Variants in CD96 observed in about 807,000 individuals in gnomAD.
CD96 encodes the protein T-cell surface protein tactile.
A neutral mutation model predicts 71.3 loss-of-function variants in CD96; 70 were observed. The ratio of observed to expected loss-of-function variants is 0.98; its 90% CI spans 0.81 to 1.20. CD96 has a LOEUF of 1.20. Among genes scored for constraint, CD96 ranks in the 50% most tolerant of loss-of-function variants. The pLI is 0.00. For synonymous variants in CD96, 248 were observed against 233.0 expected (o/e 1.06, Z -0.59); for missense variants, 742 against 677.5 (o/e 1.10, Z -1.06).
chr3:111,634,547 A>G (rs1441032938), intron 10 of CD96: 1 of 152,330 alleles, frequency 6.6e-6, no homozygotes, highest in South Asian at 2.1e-4. Context: ...GAATTACCTC[A>G]TGCAGTTAAC....
intron 14 of CD96, among the ~76,000 whole-genome samples, chr3:111,662,746 C>G (rs534229214): frequency 6.6e-6 from 1 of 152,162 alleles, no homozygotes; most frequent in East Asian, 1.9e-4. Flanking sequence ...AACCACAGCC[C>G]GGGCTTCACT....
At chr3:111,655,441 ATTAAG>A (rs1940205945), downstream of CD96, among the ~76,000 whole-genome samples, 1 of 152,216 alleles carries the variant, frequency 6.6e-6, no homozygotes, top group African/African-American at 2.4e-5. Context: ...AGATATAAAA[ATTAAG>A]TTATGCGCAA....
At chr3:111,624,669 G>T (rs1043155042) in intron 10 of CD96, among the ~76,000 whole-genome samples, 1 of 152,196 alleles carries the variant, frequency 6.6e-6, no homozygotes, top group South Asian at 2.1e-4. Context: ...AGTGGGAATC[G>T]AGAGTGAAGG....
At position 111,624,446 on chromosome 3, in the gene CD96, G is replaced by T. The variant is rs186061011; in HGVS notation, c.1321+42G>T. ...GGTCCCTTGAGTCCTCTGGACTTCAGTCATTCATCCGACAGATATATTGAA... is the reference window on the plus strand; with the variant it reads ...GGTCCCTTGAGTCCTCTGGACTTCATTCATTCATCCGACAGATATATTGAA... On this transcript the variant is annotated intron_variant, in intron 10 of 13. Transcript: ENST00000352690. 2,570 of 1,090,606 alleles carry T rather than the reference G, an allele frequency of 2.4e-3. 9 individuals carry two copies. Among genetic ancestry groups the T allele is most frequent in the Non-Finnish European group, 2.9e-3 (2,071 of 702,410 alleles). The allele number at this position is 1,090,606 out of a possible 1,614,324, so 67.6% of individuals were successfully genotyped here.
rs566400225 is a variant in CD96 at position 111,652,139 on chromosome 3, T to A, written c.*2333T>A. The A allele has an allele frequency of 1.3e-5, 2 of 152,290 alleles. No individual in the cohort carries two copies. Among genetic ancestry groups the A allele is most frequent in the Admixed American group, 6.5e-5 (1 of 15,296 alleles). The allele number at this position is 152,290 out of a possible 1,614,324, so 9.4% of individuals were successfully genotyped here. On this transcript the variant is annotated 3_prime_UTR_variant, in exon 14 of 14. Transcript: ENST00000352690. ...ACTTCTAACACTATTAGATAATAAG[T>A]GCTTATTGTTTAACACCATTAATTT... is the stretch of plus-strand genomic sequence containing the variant.
At chr3:111,594,876 G>T (rs1576365478) in intron 5 of CD96, 1 of 167,136 alleles carries the variant, frequency 6.0e-6, no homozygotes, top group African/African-American at 2.4e-5. Flanking sequence ...CCCAATGCAA[G>T]GTCAGTTTGT....
intron 8 of CD96, chr3:111,607,148 G>C (rs1179735063): frequency 4.0e-6 from 1 of 247,856 alleles, no homozygotes; most frequent in Non-Finnish European, 7.9e-6. Flanking sequence ...TAAAGCCCTG[G>C]GAAAATCAAG....
In CD96 at chr3:111,579,221, A is replaced by C; in HGVS notation, c.738A>C (p.Thr246=). The change falls in exon 4 of 14, where the codon ACA becomes ACC. Residue 246 remains threonine (T), a synonymous_variant. Transcript: ENST00000352690. ...GPNKILRSST[T]VKVFAKPEIP... is the part of the protein sequence containing the mutation. ...ACAAAATCTTGAGGAGCTCCACCAC[A>C]GTCAAGGTTTTTGGTAAGGGCTTTT... is the stretch of plus-strand genomic sequence containing the variant. 6.3e-7 allele frequency: 1 copy of C among 1,590,434 alleles called. No homozygotes were observed. Among genetic ancestry groups the C allele is most frequent in the South Asian group, 1.1e-5 (1 of 90,614 alleles).
rs9840887 is a variant in CD96, at chr3:111,554,403, T to A, written c.418+9001T>A. On this transcript the variant is annotated intron_variant, in intron 2 of 13. Transcript: ENST00000352690. ...TTTGATCTACTTCCTCCATTTCTTC[T>A]CTGTTTTCTTGACTATATGAAAAAG... Among the ~76,000 whole-genome samples the A allele has an allele frequency of 9.2e-3, 1,398 of 152,220 alleles. 17 individuals carry two copies. Among genetic ancestry groups the A allele is most frequent in the African/African-American group, 0.032 (1,340 of 41,504 alleles).
intron 8 of CD96, among the ~76,000 whole-genome samples, chr3:111,613,140 TGAC>T (rs1436733626): frequency 6.6e-6 from 1 of 152,226 alleles, no homozygotes; most frequent in Admixed American, 6.5e-5. Context: ...GCCTTCTTGA[TGAC>T]TAGTTTACTT....
At chr3:111,583,120 C>T (rs967214310) in intron 4 of CD96, among the ~76,000 whole-genome samples, 1 of 152,188 alleles carries the variant, frequency 6.6e-6, no homozygotes, top group African/African-American at 2.4e-5. Context: ...TAAATACAAC[C>T]ATTCTAAATG....
At chr3:111,585,097 G>A (rs1576350051) in intron 4 of CD96, among the ~76,000 whole-genome samples, 1 of 152,072 alleles carries the variant, frequency 6.6e-6, no homozygotes, top group South Asian at 2.1e-4. Flanking sequence ...TGAAACTGTA[G>A]ATTTCTTAAG....
intron 2 of CD96, among the ~76,000 whole-genome samples, chr3:111,558,691 G>A (rs200357574): frequency 0.097 from 11,829 of 122,574 alleles, 770 homozygotes; most frequent in East Asian, 0.28. Context: ...GTCTCTGCCC[G>A]GCTTTGGTAT....
chr3:111,594,916 T>C, intron 5 of CD96: 1 of 166,830 alleles, frequency 6.0e-6, no homozygotes, highest in Non-Finnish European at 1.5e-5. Flanking sequence ...AGGCCAGGAG[T>C]CTAAGAAATC....
chr3:111,647,458 T>C, intron 12 of CD96, 85 bp from the exon 13 acceptor site: 6 of 1,238,226 alleles, frequency 4.8e-6, no homozygotes, highest in South Asian at 4.8e-5. Context: ...AGAAAATATG[T>C]TTCACGTAGG....
intron 6 of CD96, among the ~76,000 whole-genome samples, chr3:111,600,108 C>CA (rs1937426917): frequency 6.6e-6 from 1 of 152,134 alleles, no homozygotes; most frequent in African/African-American, 2.4e-5. Context: ...GACAACATAG[C>CA]AAAAAGATTA....
chr3:111,605,015 T>G (rs980402072), intron 7 of CD96, among the ~76,000 whole-genome samples: 1 of 152,240 alleles, frequency 6.6e-6, no homozygotes, highest in African/African-American at 2.4e-5. Flanking sequence ...GCCAATGTCC[T>G]GTCTTATTAA....
At chr3:111,603,081 T>C (rs548666635) in intron 7 of CD96, among the ~76,000 whole-genome samples, 6 of 152,060 alleles carry the variant, frequency 3.9e-5, no homozygotes, top group Admixed American at 6.6e-5. Flanking sequence ...AGGCAGCTAT[T>C]TGTGCACTAG....
chr3:111,610,648 G>A (rs774068623), intron 8 of CD96, among the ~76,000 whole-genome samples: 4 of 152,160 alleles, frequency 2.6e-5, no homozygotes, highest in East Asian at 1.9e-4. Flanking sequence ...GAACCAATTC[G>A]TGTTTGCTGA....
Sources: gnomAD v4.1 joint callset for allele counts (sites outside exome capture counted in the v4.1 genomes callset) on GRCh38, gnomAD v4.1.1 for gene constraint, MANE v1.5 for transcripts, NCBI Gene and HGNC (gene_info 2026-07-23, HGNC 2026-07-21) for gene names.